TNRC18: variants seen among roughly 807,000 people sequenced by gnomAD.
TNRC18 encodes trinucleotide repeat containing 18.
Under a neutral mutation model 226.7 loss-of-function variants are expected in TNRC18, and 69 were observed. That is an observed-to-expected ratio of 0.30 (90% CI 0.25 to 0.37). The LOEUF is 0.37. Ranked by LOEUF, TNRC18 falls within the 10% of genes least tolerant of loss-of-function variation. TNRC18 has a pLI of 1.00. For synonymous variants in TNRC18, 2,449 were observed against 1,927.6 expected, an observed-to-expected ratio of 1.27 and a Z score of -7.09; for missense variants, 4,754 against 4,256.6, an observed-to-expected ratio of 1.12 and a Z score of -3.25.
chr7:5,391,881 C>T (rs1331186170), intron 3 of TNRC18, among the ~76,000 whole-genome samples: 7 of 144,642 alleles, frequency 4.8e-5, no homozygotes, highest in African/African-American at 1.8e-4. Context: ...TTTTAAAGGG[C>T]ACACAGAATG....
At chr7:5,379,768 G>A (rs537342231) in intron 5 of TNRC18, among the ~76,000 whole-genome samples, 6 of 152,354 alleles carry the variant, frequency 3.9e-5, no homozygotes, top group African/African-American at 1.4e-4. Flanking sequence ...TGTGCAGCTC[G>A]AAAACCTGCC....
intron 12 of TNRC18, among the ~76,000 whole-genome samples, chr7:5,362,440 T>C (rs1299322287): frequency 1.3e-5 from 2 of 152,008 alleles, no homozygotes; most frequent in African/African-American, 2.4e-5. Flanking sequence ...GTGATGAGCC[T>C]GACATGCTAG....
At chr7:5,389,467 T>TTTGTTTTTTTTTTGTTTTTTTTTTG (rs1780122977) in intron 4 of TNRC18, 131 bp from the exon 5 acceptor site, 1 of 1,103,206 alleles carries the variant, frequency 9.1e-7, no homozygotes, top group African/African-American at 1.8e-5. Context: ...TTTGGTTTTT[T>TTTGTTTTTTTTTTGTTTTTTTTTTG]TTTTCAGAAA....
chr7:5,307,839 T>A lies in TNRC18; in HGVS notation c.*267A>T, dbSNP rs77884325. 0.12 allele frequency: 62,198 copies of A among 520,670 alleles called. 4,536 individuals are homozygous for A. The highest frequency in any genetic ancestry group is 0.23 in the Admixed American group (6,997 of 30,204). 32.3% of individuals were successfully genotyped at this position (520,670 alleles called of 1,614,324 possible). On this transcript the variant is annotated 3_prime_UTR_variant, in exon 30 of 30. Transcript: ENST00000430969. The stretch of plus-strand genomic sequence containing the variant: ...CAACGTGCTGGGCAGGAAGGGCCGG[T>A]CCGGCCATACCCTGATAGCTAAGAG...
intron 2 of TNRC18, among the ~76,000 whole-genome samples, chr7:5,405,297 T>C (rs1340554153): frequency 1.3e-5 from 2 of 151,784 alleles, no homozygotes; most frequent in African/African-American, 4.8e-5. Context: ...GGCTAGGCAC[T>C]GCGGCTCACA....
chr7:5,313,899 G>T, intron 26 of TNRC18, 36 bp from the exon 27 acceptor site: 1 of 1,430,580 alleles, frequency 7.0e-7, no homozygotes. Context: ...TGGGGCGGGG[G>T]CTTCCTGGCA....
chr7:5,354,853 A>G (rs1046015519), intron 16 of TNRC18, among the ~76,000 whole-genome samples: 2 of 152,162 alleles, frequency 1.3e-5, no homozygotes, highest in Non-Finnish European at 1.5e-5. Flanking sequence ...GCAGGTGACG[A>G]TATCTTAACT....
intron 1 of TNRC18, 90 bp downstream of exon 1, chr7:5,423,351 C>T (rs1354438165): frequency 6.6e-6 from 1 of 152,192 alleles, no homozygotes; most frequent in Non-Finnish European, 1.5e-5. Flanking sequence ...CCCGCGCACC[C>T]CGAGGGGCAG....
chr7:5,372,786 GCCAGGGTGGGAGGACTGCTTGAGC>G (rs1164011109), intron 10 of TNRC18, among the ~76,000 whole-genome samples: 4 of 152,148 alleles, frequency 2.6e-5, no homozygotes, highest in Admixed American at 2.0e-4. Flanking sequence ...AGTTCGGGAG[GCCAGGGTGGGAGGACTGCTTGAGC>G]CCAGGAGATC....
At chr7:5,337,579 G>A (rs1790257318) in intron 18 of TNRC18, among the ~76,000 whole-genome samples, 1 of 151,786 alleles carries the variant, frequency 6.6e-6, no homozygotes, top group Non-Finnish European at 1.5e-5. Flanking sequence ...CAGGAAAACT[G>A]GAATCCTCAG....
chr7:5,397,721 TC>T (rs1209345688), intron 2 of TNRC18, among the ~76,000 whole-genome samples: 26 of 151,792 alleles, frequency 1.7e-4, no homozygotes, highest in Admixed American at 1.7e-3. Flanking sequence ...CCTCCTTCAC[TC>T]CCACCTCGGG....
In TNRC18 at chr7:5,390,617, G is replaced by C. The variant is rs1283682836; in HGVS notation, c.355C>G (p.Leu119Val). Residue 119 changes from leucine (L) to valine (V), a missense_variant, in exon 4 of 30, where the codon CTG (leucine) becomes GTG (valine). By Grantham distance (32) the Leu-to-Val change is conservative. Coordinates refer to ENST00000430969, the MANE Select transcript of TNRC18 (RefSeq NM_001080495.3). Reference protein sequence around the residue: ...AAHAHEGFSHLPSGLYPSYLH... With the variant: ...AAHAHEGFSHVPSGLYPSYLH... The stretch of plus-strand genomic sequence containing the variant: ...TAGGATGGGTACAGCCCACTGGGCA[G>C]GTGGGAGAAGCCTGTAACAGAAAAG... The C allele has an allele frequency of 1.3e-6, 2 of 1,576,602 alleles. No individual in the cohort carries two copies. The highest frequency in any genetic ancestry group is 1.7e-6 in the Non-Finnish European group (2 of 1,161,430).
intron 17 of TNRC18, among the ~76,000 whole-genome samples, chr7:5,351,126 G>C (rs1013631242): frequency 3.9e-5 from 6 of 151,990 alleles, no homozygotes; most frequent in African/African-American, 2.4e-5. Flanking sequence ...TCGCTACCAG[G>C]GATATTTGAA....
chr7:5,345,172 G>C (rs1016321553), intron 18 of TNRC18, among the ~76,000 whole-genome samples: 1 of 152,168 alleles, frequency 6.6e-6, no homozygotes, highest in East Asian at 1.9e-4. Flanking sequence ...CCCTGCACCT[G>C]TGTCTCGGGT....
At chr7:5,421,611 G>C (rs1366850852) in intron 1 of TNRC18, 122 bp from the exon 2 acceptor site, 4 of 152,256 alleles carry the variant, frequency 2.6e-5, no homozygotes, top group Non-Finnish European at 5.9e-5. Flanking sequence ...GGTGCCGACT[G>C]AGTGGCCAGA....
At chr7:5,419,464 T>C (rs1389777161) in intron 2 of TNRC18, among the ~76,000 whole-genome samples, 1 of 151,950 alleles carries the variant, frequency 6.6e-6, no homozygotes, top group African/African-American at 2.4e-5. Flanking sequence ...GACACACGCA[T>C]GCACACACAC....
chr7:5,339,089 G>C (rs1463976187), intron 18 of TNRC18, among the ~76,000 whole-genome samples: 1 of 152,014 alleles, frequency 6.6e-6, no homozygotes, highest in Admixed American at 6.6e-5. Context: ...CTTGAGATCA[G>C]GAGTTCGAGA....
chr7:5,351,588 G>A (rs765436640), intron 17 of TNRC18, among the ~76,000 whole-genome samples: 10 of 152,282 alleles, frequency 6.6e-5, no homozygotes, highest in South Asian at 4.1e-4. Context: ...AGAGCCAGCC[G>A]GGGATATTAT....
chr7:5,415,213 C>T (rs894785971), intron 2 of TNRC18, among the ~76,000 whole-genome samples: 3 of 152,058 alleles, frequency 2.0e-5, no homozygotes, highest in Non-Finnish European at 2.9e-5. Context: ...TTTTGTGTTC[C>T]GTCCACCTTC....
Sources: gnomAD v4.1 joint callset for allele counts (sites outside exome capture counted in the v4.1 genomes callset) on GRCh38, gnomAD v4.1.1 for gene constraint, MANE v1.5 for transcripts, NCBI Gene and HGNC (gene_info 2026-07-23, HGNC 2026-07-21) for gene names.